TBC1D15: variants seen among roughly 807,000 people sequenced by gnomAD.
The protein encoded by TBC1D15 is TBC1 domain family member 15.
TBC1D15 carries 39 observed loss-of-function variants against 95.4 expected under a neutral mutation model. That is an observed-to-expected ratio of 0.41 (90% CI 0.32 to 0.53). TBC1D15 has a LOEUF of 0.53. TBC1D15 is among the 20% of genes least tolerant of loss of function. The pLI is 0.29. For synonymous variants in TBC1D15, 258 were observed against 261.3 expected (o/e 0.99, Z 0.12); for missense variants, 733 against 794.3 (o/e 0.92, Z 0.93).
At chr12:71,903,209 T>TG (rs1398910722) in intron 10 of TBC1D15, among the ~76,000 whole-genome samples, 1 of 152,186 alleles carries the variant, frequency 6.6e-6, no homozygotes, top group Non-Finnish European at 1.5e-5. Flanking sequence ...TTACCATGCC[T>TG]GGCTGCAGAC....
At chr12:71,898,595 G>A (rs2138756095) in intron 10 of TBC1D15, among the ~76,000 whole-genome samples, 1 of 152,162 alleles carries the variant, frequency 6.6e-6, no homozygotes, top group Admixed American at 6.5e-5. Flanking sequence ...TAAATGACCT[G>A]TCCAAGGTCA....
intron 6 of TBC1D15, among the ~76,000 whole-genome samples, chr12:71,893,644 G>A (rs1897617463): frequency 6.6e-6 from 1 of 151,846 alleles, no homozygotes; most frequent in South Asian, 2.1e-4. Context: ...GGATCACAGA[G>A]TAGGCCAGTT....
At chr12:71,855,962 C>G (rs1888975970) in intron 1 of TBC1D15, among the ~76,000 whole-genome samples, 1 of 150,414 alleles carries the variant, frequency 6.6e-6, no homozygotes, top group Admixed American at 6.6e-5. Flanking sequence ...GTATCTTGTT[C>G]AAATTTCAAT....
chr12:71,912,961 A>G (rs1003242881), intron 11 of TBC1D15, among the ~76,000 whole-genome samples: 2 of 152,138 alleles, frequency 1.3e-5, no homozygotes, highest in African/African-American at 4.8e-5. Context: ...TGAGGGTTTT[A>G]TAAGAGGAAG....
chr12:71,886,239 G>T (rs1185507598), intron 5 of TBC1D15, among the ~76,000 whole-genome samples: 3 of 152,094 alleles, frequency 2.0e-5, no homozygotes, highest in African/African-American at 4.8e-5. Flanking sequence ...TGCGATCTTG[G>T]CTCACTGCAA....
chr12:71,881,916 CA>C (rs35977474), intron 4 of TBC1D15, among the ~76,000 whole-genome samples: 2,352 of 53,530 alleles, frequency 0.044, 46 homozygotes, highest in African/African-American at 0.14. Context: ...GACTCCGTCT[CA>C]AAAAAAAAAA....
intron 1 of TBC1D15, among the ~76,000 whole-genome samples, chr12:71,848,117 CA>C (rs1246095861): frequency 3.3e-5 from 5 of 152,144 alleles, no homozygotes; most frequent in Non-Finnish European, 5.9e-5. Flanking sequence ...ATAAAACAAA[CA>C]AATAAATAAA....
At chr12:71,851,301 A>G (rs754780319) in intron 1 of TBC1D15, among the ~76,000 whole-genome samples, 1 of 151,872 alleles carries the variant, frequency 6.6e-6, no homozygotes, top group Non-Finnish European at 1.5e-5. Context: ...CACCCCCACT[A>G]TTACCTCCCC....
intron 3 of TBC1D15, among the ~76,000 whole-genome samples, chr12:71,874,235 G>C (rs530785025): frequency 4.1e-4 from 62 of 152,306 alleles, no homozygotes; most frequent in South Asian, 2.9e-3. Context: ...GAGGTAATGG[G>C]AGTTAGGATG....
At chr12:71,918,310 G>T in intron 13 of TBC1D15, 141 bp from the exon 14 acceptor site, 1 of 524,618 alleles carries the variant, frequency 1.9e-6, no homozygotes, top group Non-Finnish European at 3.4e-6. Context: ...CTTCAAGTTT[G>T]AAATGATTCC....
chr12:71,921,291 G>T (rs1056913060), intron 15 of TBC1D15, 77 bp from the exon 16 acceptor site: 6 of 676,958 alleles, frequency 8.9e-6, no homozygotes, highest in Non-Finnish European at 1.3e-5. Flanking sequence ...AATATAACTG[G>T]TAATAAATTG....
intron 3 of TBC1D15, 124 bp from the exon 4 acceptor site, chr12:71,880,345 T>C (rs1592750193): frequency 1.5e-6 from 1 of 672,506 alleles, no homozygotes; most frequent in Non-Finnish European, 2.4e-6. Flanking sequence ...TAGGAAATGG[T>C]GTTCAGTTTT....
rs1298923538 is a variant in TBC1D15, at chr12:71,913,868, A to G, written c.1343A>G (p.Tyr448Cys). The change falls in exon 12 of 17, where the codon TAT (tyrosine) becomes TGT (cysteine). Residue 448 changes from tyrosine to cysteine, a missense_variant. Physicochemically the swap from Tyr to Cys is radical, Grantham distance 194 (BLOSUM62 -2). Transcript: ENST00000485960. ...GMSDLLSPLL[Y>C]VMENEVDAFW... is the part of the protein sequence containing the mutation. ...AGTGATTTACTTTCCCCTCTTTTAT[A>G]TGTGATGGAAAATGAAGTGGATGCC... 21 of 1,593,704 alleles carry G rather than the reference A, an allele frequency of 1.3e-5. No individual in the cohort carries two copies. Among genetic ancestry groups the G allele is most frequent in the Non-Finnish European group, 1.8e-5 (21 of 1,173,652 alleles).
At chr12:71,865,901 G>A (rs1467839962) in intron 1 of TBC1D15, among the ~76,000 whole-genome samples, 1 of 152,030 alleles carries the variant, frequency 6.6e-6, no homozygotes, top group African/African-American at 2.4e-5. Context: ...TCCCTGGGAC[G>A]GAAGGTGCCA....
chr12:71,842,868 A>G (rs891088752), intron 1 of TBC1D15, among the ~76,000 whole-genome samples: 20 of 150,902 alleles, frequency 1.3e-4, no homozygotes, highest in African/African-American at 4.6e-4. Context: ...AAAGAAAATG[A>G]GGAGGGATTA....
chr12:71,872,299 C>G lies in TBC1D15; in HGVS notation c.129+131C>G, dbSNP rs115548539. 457 of 496,234 alleles carry G rather than the reference C, an allele frequency of 9.2e-4. 1 individual carries two copies. Among genetic ancestry groups the G allele is most frequent in the African/African-American group, 8.3e-3 (416 of 49,824 alleles). 30.7% of individuals were successfully genotyped at this position (496,234 alleles called of 1,614,324 possible). On this transcript the variant is annotated intron_variant, in intron 2 of 16. Transcript: ENST00000485960. ...AATTGAACAGTAATTGTAAATTTAA[C>G]ACCGAAATGATGTAATAGTCAAACA...
At chr12:71,890,944 A>T (rs1362080805) in intron 5 of TBC1D15, among the ~76,000 whole-genome samples, 1 of 152,182 alleles carries the variant, frequency 6.6e-6, no homozygotes, top group Non-Finnish European at 1.5e-5. Context: ...TATTTTGTAT[A>T]TTGGGCCATT....
In TBC1D15 at chr12:71,896,663, T is replaced by C. The variant is rs572126829; in HGVS notation, c.985-14T>C. ...CTTTTTCATTCATGTATTTAATATG[T>C]ATGCTTTCTTCAGGGACTTAGTCAT... On this transcript the variant is annotated splice_polypyrimidine_tract_variant and intron_variant, in intron 8 of 16. Coordinates refer to ENST00000485960, the MANE Select transcript of TBC1D15 (RefSeq NM_001146213.3). 5.5e-4 allele frequency: 881 copies of C among 1,595,868 alleles called. 11 individuals carry two copies. The South Asian group carries it at 9.3e-3, about 17-fold the overall frequency.
At chr12:71,894,263 A>G (rs1298781435) in intron 6 of TBC1D15, 2 of 1,407,384 alleles carry the variant, frequency 1.4e-6, no homozygotes, top group Non-Finnish European at 2.0e-6. Context: ...TTAGCCATCA[A>G]ATATTTTGTG....
Sources: allele counts gnomAD v4.1 joint callset (sites outside exome capture counted in the v4.1 genomes callset), GRCh38; gene constraint gnomAD v4.1.1; transcripts MANE v1.5; gene names NCBI Gene and HGNC (gene_info 2026-07-23, HGNC 2026-07-21).